The following NOS2 variants were observed in gnomAD, a reference collection of about 807,000 sequenced individuals.
NOS2 encodes the protein nitric oxide synthase 2, also known as nitric oxide synthase, inducible.
In NOS2, 96 loss-of-function variants were observed where a neutral mutation model predicts 136.0. The ratio of observed to expected loss-of-function variants is 0.71; its 90% CI spans 0.60 to 0.84. The LOEUF (loss-of-function observed/expected upper bound fraction) is 0.84. Among genes scored for constraint, NOS2 ranks in the 40% least tolerant of loss-of-function variants. The pLI is 0.00. For missense variants in NOS2, 1,237 were observed against 1,496.9 expected (o/e 0.83, Z 2.87); for synonymous variants, 539 against 587.5 (o/e 0.92, Z 1.20).
chr17:27,763,001 G>A lies in NOS2; in HGVS notation c.2597C>T (p.Ser866Leu), dbSNP rs1263912119. 6.3e-7 allele frequency: 1 copy of A among 1,597,016 alleles called. No homozygotes were observed. Among genetic ancestry groups the A allele is most frequent in the African/African-American group, 1.3e-5 (1 of 74,718 alleles). The part of the protein sequence containing the change: ...RQRLEALCQP[S>L]EYSKWKFTNS... ...GGTGAACTTCCACTTGCTGTACTCT[G>A]AGGGCTAAAAGCCAAGGGTGATGTC... The change falls in exon 22 of 27, where the codon TCA becomes TTA. Residue 866 changes from serine (S) to leucine (L), a missense_variant. Ser to Leu is a moderately radical substitution (Grantham distance 145). Transcript: ENST00000313735.
intron 6 of NOS2, 130 bp downstream of exon 6, chr17:27,782,814 T>G: frequency 1.2e-6 from 1 of 869,162 alleles, no homozygotes; most frequent in Non-Finnish European, 1.7e-6. Context: ...TTTGGGAATG[T>G]AAGAGAGGAT....
At position 27,791,405 on chromosome 17, in the gene NOS2, T is replaced by C. The variant is rs574853405; in HGVS notation, c.111-1717A>G. On this transcript the variant is annotated intron_variant, in intron 2 of 26. Transcript: ENST00000313735. Reference sequence around the variant, plus strand: ...ACCCTCCATCCTTGATAGCTTGTCGTCCTCCCCATCTGATCAGGGTCCTCA... The same window carrying C: ...ACCCTCCATCCTTGATAGCTTGTCGCCCTCCCCATCTGATCAGGGTCCTCA... 2.5e-4 allele frequency among the ~76,000 whole-genome samples: 38 copies of C among 152,264 alleles called. No individual in the cohort carries two copies. The South Asian group carries it at 4.2e-3, about 17-fold the overall frequency.
Position 27,757,193 on chromosome 17 carries a change from C to T in NOS2, c.*53G>A, listed in dbSNP as rs1157554489. 7.0e-7 allele frequency: 1 copy of T among 1,431,410 alleles called. No individual in the cohort carries two copies. Among genetic ancestry groups the T allele is most frequent in the South Asian group, 1.2e-5 (1 of 85,546 alleles). 88.7% of individuals were successfully genotyped at this position (1,431,410 alleles called of 1,614,324 possible). On this transcript the variant is annotated 3_prime_UTR_variant, in exon 27 of 27. Coordinates refer to ENST00000313735, the MANE Select transcript of NOS2 (RefSeq NM_000625.4). ...CCCTGTGACCTCAGATAATGCAGAG[C>T]TGGCTCCATCCTTAAGTTCTGTGCC...
At chr17:27,767,121 C>T (rs1255134011) in intron 18 of NOS2, among the ~76,000 whole-genome samples, 1 of 152,080 alleles carries the variant, frequency 6.6e-6, no homozygotes. Flanking sequence ...CGGGACATCT[C>T]CATGGCTTGG....
chr17:27,793,652 G>T, intron 2 of NOS2: 1 of 397,010 alleles, frequency 2.5e-6, no homozygotes, highest in Non-Finnish European at 4.4e-6. Flanking sequence ...CTGCACAGCC[G>T]GGGCCCGGCG....
intron 12 of NOS2, among the ~76,000 whole-genome samples, 165 bp from the exon 13 acceptor site, chr17:27,773,408 C>CTGCCTCTCCCCCAGAGT (rs1374138883): frequency 1.3e-5 from 2 of 152,230 alleles, no homozygotes; most frequent in African/African-American, 4.8e-5. Context: ...AGGGCCGTGG[C>CTGCCTCTCCCCCAGAGT]TGCCTCTCCC....
intron 5 of NOS2, among the ~76,000 whole-genome samples, chr17:27,785,434 C>T (rs1189416297): frequency 3.3e-5 from 5 of 152,188 alleles, no homozygotes; most frequent in Non-Finnish European, 7.3e-5. Context: ...TCAATCCAGG[C>T]TGTGCATTAG....
At chr17:27,791,715 T>G (rs944142714) in intron 2 of NOS2, among the ~76,000 whole-genome samples, 5 of 151,470 alleles carry the variant, frequency 3.3e-5, no homozygotes, top group African/African-American at 9.7e-5. Flanking sequence ...TTAACAAGTA[T>G]CATTGAATAC....
At chr17:27,761,026 G>T in intron 23 of NOS2, 118 bp downstream of exon 23, 1 of 993,984 alleles carries the variant, frequency 1.0e-6, no homozygotes, top group Non-Finnish European at 1.5e-6. Flanking sequence ...TGACCCCAGT[G>T]CCTTCTTTAT....
chr17:27,766,466 A>G (rs150863991), intron 19 of NOS2, 44 bp downstream of exon 19: 2 of 1,473,788 alleles, frequency 1.4e-6, no homozygotes, highest in East Asian at 2.3e-5. Flanking sequence ...CGTTAAAATA[A>G]AATCGACAGA....
At chr17:27,798,599 G>A in intron 2 of NOS2, 101 bp downstream of exon 2, 2 of 753,174 alleles carry the variant, frequency 2.7e-6, no homozygotes, top group South Asian at 1.5e-5. Flanking sequence ...CAGACCTCAG[G>A]TGAGAGAGGA....
intron 11 of NOS2, among the ~76,000 whole-genome samples, 198 bp downstream of exon 11, chr17:27,778,492 T>C: frequency 6.6e-6 from 1 of 152,156 alleles, no homozygotes; most frequent in Non-Finnish European, 1.5e-5. Context: ...GGGAGTAAAG[T>C]CCTTGAGCGA....
intron 24 of NOS2, 64 bp downstream of exon 24, chr17:27,760,559 T>C: frequency 1.3e-6 from 2 of 1,548,798 alleles, no homozygotes; most frequent in Non-Finnish European, 1.7e-6. Flanking sequence ...GGGGCTGCAG[T>C]TCTGCTCCTA....
chr17:27,761,497 A>G (rs900257288), intron 22 of NOS2, among the ~76,000 whole-genome samples: 3 of 152,214 alleles, frequency 2.0e-5, no homozygotes, highest in African/African-American at 7.2e-5. Context: ...GTGACTTGAA[A>G]AAGGTCACTC....
In NOS2 at chr17:27,778,590, G is replaced by C. The variant is rs921148122; in HGVS notation, c.1281+100C>G. On this transcript the variant is annotated intron_variant, in intron 11 of 26. Transcript: ENST00000313735. Reference sequence around the variant, plus strand: ...CTGCCTGTTGCTGGACCTCTAGAGTGAGCAAGGGGGCTTACTTATAAATTA... The same window carrying C: ...CTGCCTGTTGCTGGACCTCTAGAGTCAGCAAGGGGGCTTACTTATAAATTA... 5.3e-6 allele frequency: 5 copies of C among 934,838 alleles called. No homozygotes were observed. In the Admixed American group the frequency reaches 8.8e-5, roughly 16 times the overall value. 57.9% of individuals were successfully genotyped at this position (934,838 alleles called of 1,614,324 possible).
intron 18 of NOS2, among the ~76,000 whole-genome samples, chr17:27,767,284 TACG>T (rs1246735172): frequency 2.3e-4 from 35 of 152,230 alleles, no homozygotes; most frequent in East Asian, 7.7e-4. Context: ...ACACCTTCTC[TACG>T]ACACTTGGCT....
At chr17:27,791,784 AAAC>A (rs1384397156) in intron 2 of NOS2, among the ~76,000 whole-genome samples, 7 of 150,412 alleles carry the variant, frequency 4.7e-5, no homozygotes, top group African/African-American at 1.5e-4. Flanking sequence ...AAACAAAACA[AAAC>A]AAAACAAAAC....
At chr17:27,776,316 C>A (rs1452349689) in intron 11 of NOS2, among the ~76,000 whole-genome samples, 2 of 152,140 alleles carry the variant, frequency 1.3e-5, no homozygotes, top group Non-Finnish European at 2.9e-5. Context: ...TGGACGTGGG[C>A]TCTCATTCAC....
chr17:27,759,041 G>C lies in NOS2; in HGVS notation c.3194C>G (p.Ala1065Gly). The C allele has an allele frequency of 6.2e-7, 1 of 1,605,708 alleles. No individual in the cohort carries two copies. The highest frequency in any genetic ancestry group is 1.7e-5 in the Admixed American group (1 of 59,032). ...YVQDILRQQL[A>G]SEVLRVLHKE... is the part of the protein sequence containing the mutation. The stretch of plus-strand genomic sequence containing the variant: ...GTGGAGCACACGGAGCACCTCGCTG[G>C]CCAGCTGCTGCCGCAGGATGTCCTG... Residue 1065 changes from alanine to glycine, a missense_variant, in exon 26 of 27, where the codon GCC becomes GGC. Ala to Gly is a moderately conservative substitution (Grantham distance 60). Around this residue, in one of 3 missense-constraint regions of NOS2, gnomAD observed 782 missense variants for 909.9 expected, o/e 0.86. Transcript: ENST00000313735.
Sources: gnomAD v4.1 joint callset for allele counts (sites outside exome capture counted in the v4.1 genomes callset) on GRCh38, gnomAD v4.1.1 for gene constraint, gnomAD v4.1.1 regional missense constraint, MANE v1.5 for transcripts, NCBI Gene and HGNC (gene_info 2026-07-23, HGNC 2026-07-21) for gene names.